The following DENND10 variants were observed in gnomAD, a reference collection of about 807,000 sequenced individuals.
DENND10 encodes DENN domain containing 10, also known as DENN domain-containing protein 10.
In DENND10, 24 loss-of-function variants were observed where a neutral mutation model predicts 43.6. That is an observed-to-expected ratio of 0.55 (90% CI 0.40 to 0.77). The LOEUF (loss-of-function observed/expected upper bound fraction) is 0.77. Ranked by LOEUF, DENND10 falls within the 30% of genes least tolerant of loss-of-function variation. DENND10 has a pLI of 0.00. For synonymous variants in DENND10, 125 were observed against 157.6 expected, an observed-to-expected ratio of 0.79 and a Z score of 1.55; for missense variants, 303 against 429.9, an observed-to-expected ratio of 0.70 and a Z score of 2.61.
In DENND10 at chr10:119,114,737, T is replaced by G. The variant is rs544746602; in HGVS notation, c.333-2782T>G. 2.6e-5 allele frequency: 4 copies of G among 152,144 alleles called. No homozygotes were observed. In the East Asian group the frequency reaches 7.7e-4, roughly 29 times the overall value. The allele number at this position is 152,144 out of a possible 1,614,324, so 9.4% of individuals were successfully genotyped here. A position where few individuals can be genotyped will look rare whatever the true frequency, so the allele number is the denominator to read the frequency against. On this transcript the variant is annotated intron_variant, in intron 3 of 8. Coordinates refer to ENST00000361432, the MANE Select transcript of DENND10 (RefSeq NM_207009.4). The stretch of plus-strand genomic sequence containing the variant: ...CATCTTATCCTACCAACCTTATGTT[T>G]CTCTTCTCTATTACTGTGTATTGTT...
intron 6 of DENND10, among the ~76,000 whole-genome samples, chr10:119,128,453 C>G (rs1432030863): frequency 1.3e-5 from 2 of 151,768 alleles, no homozygotes; most frequent in African/African-American, 2.4e-5. Context: ...ACTCAAAATA[C>G]AAAAATTAGC....
intron 1 of DENND10, chr10:119,105,643 A>T (rs1844658241): frequency 7.4e-6 from 3 of 406,878 alleles, no homozygotes; most frequent in Non-Finnish European, 1.0e-5. Flanking sequence ...ATGACATATG[A>T]TCATATTTTG....
Position 119,129,528 on chromosome 10 carries a change from A to G in DENND10, c.708A>G (p.Gly236=), listed in dbSNP as rs147011657. Residue 236 remains glycine (G), a synonymous_variant, in exon 7 of 9, where the codon GGA becomes GGG. Coordinates refer to ENST00000361432, the MANE Select transcript of DENND10 (RefSeq NM_207009.4). The part of the protein sequence containing the change: ...ALQMCTGYVA[G]FVDLEVSNRP... ...TTTGTGATGCAGGTTACGTCGCTGG[A>G]TTTGTAGACTTGGAGGTGAGCAACA... The G allele has an allele frequency of 2.5e-6, 4 of 1,612,890 alleles. No individual in the cohort carries two copies. The highest frequency in any genetic ancestry group is 3.4e-6 in the Non-Finnish European group (4 of 1,178,880).
intron 1 of DENND10, among the ~76,000 whole-genome samples, chr10:119,106,665 CAGTT>C (rs1270235563): frequency 1.3e-5 from 2 of 152,202 alleles, no homozygotes; most frequent in Non-Finnish European, 2.9e-5. Context: ...AAAATTCACA[CAGTT>C]GGTATGCAAC....
intron 3 of DENND10, among the ~76,000 whole-genome samples, chr10:119,113,297 C>T (rs1361260390): frequency 6.6e-6 from 1 of 151,374 alleles, no homozygotes; most frequent in Non-Finnish European, 1.5e-5. Context: ...TGAAGCAGTC[C>T]TCTCACCTCA....
intron 3 of DENND10, among the ~76,000 whole-genome samples, chr10:119,112,493 CTTTTTT>C (rs1353576739): frequency 1.4e-4 from 19 of 133,500 alleles, no homozygotes; most frequent in Admixed American, 1.2e-3. Context: ...TTTTCTTTTT[CTTTTTT>C]TTTTTTTTTT....
chr10:119,113,705 A>G (rs1462765222), intron 3 of DENND10, among the ~76,000 whole-genome samples: 1 of 146,126 alleles, frequency 6.8e-6, no homozygotes, highest in African/African-American at 2.5e-5. Flanking sequence ...AAAAAAAAAG[A>G]GAAAAACTCT....
chr10:119,108,548 C>T (rs1844816912), intron 2 of DENND10, among the ~76,000 whole-genome samples: 1 of 146,768 alleles, frequency 6.8e-6, no homozygotes, highest in African/African-American at 2.5e-5. Context: ...CTGTTTCACA[C>T]TTCACTCTCA....
At chr10:119,125,944 C>G (rs962648030) in intron 6 of DENND10, among the ~76,000 whole-genome samples, 11 of 151,998 alleles carry the variant, frequency 7.2e-5, no homozygotes, top group African/African-American at 2.7e-4. Context: ...CAAATTTTCC[C>G]CCTCTCCCCA....
chr10:119,111,374 G>C (rs1268687572), intron 2 of DENND10, among the ~76,000 whole-genome samples: 1 of 151,752 alleles, frequency 6.6e-6, no homozygotes, highest in Admixed American at 6.6e-5. Context: ...TACTTAAGAG[G>C]CTGAGGCTGG....
rs192379383 is a variant in DENND10 at position 119,113,566 on chromosome 10, C to T, written c.332+1638C>T. 4.0e-5 allele frequency among the ~76,000 whole-genome samples: 6 copies of T among 151,570 alleles called. No homozygotes were observed. In the East Asian group the frequency reaches 1.2e-3, roughly 29 times the overall value. On this transcript the variant is annotated intron_variant, in intron 3 of 8. Transcript: ENST00000361432. ...GGTGTCATGTTACCGTCAGGCTTTT[C>T]CCTAATACAGAGATTTTTGGGGGCA...
intron 4 of DENND10, among the ~76,000 whole-genome samples, chr10:119,118,065 TAATAG>T (rs145436375): frequency 1.3e-5 from 2 of 152,294 alleles, no homozygotes; most frequent in East Asian, 1.9e-4. Context: ...CTATTGTGCC[TAATAG>T]AATAATTACA....
At chr10:119,125,364 T>C (rs1188033340) in intron 6 of DENND10, among the ~76,000 whole-genome samples, 1 of 152,052 alleles carries the variant, frequency 6.6e-6, no homozygotes, top group Non-Finnish European at 1.5e-5. Context: ...TAGGTATATG[T>C]ATTTATGGGG....
intron 2 of DENND10, among the ~76,000 whole-genome samples, chr10:119,109,289 G>A (rs1024788617): frequency 1.3e-5 from 2 of 151,882 alleles, no homozygotes; most frequent in Admixed American, 1.3e-4. Context: ...TTCTTGGTGT[G>A]TTGTTTGATA....
intron 3 of DENND10, among the ~76,000 whole-genome samples, chr10:119,116,566 C>T (rs1381719820): frequency 6.6e-6 from 1 of 152,140 alleles, no homozygotes; most frequent in Non-Finnish European, 1.5e-5. Flanking sequence ...ACTTCATTCT[C>T]CTGCCTTAGT....
At chr10:119,124,208 A>T (rs868074577) in intron 6 of DENND10, among the ~76,000 whole-genome samples, 1 of 149,784 alleles carries the variant, frequency 6.7e-6, no homozygotes, top group African/African-American at 2.5e-5. Flanking sequence ...AAAAAAAAAA[A>T]TTGTGGTAAA....
At chr10:119,115,763 TC>T (rs953628321) in intron 3 of DENND10, among the ~76,000 whole-genome samples, 8 of 148,542 alleles carry the variant, frequency 5.4e-5, no homozygotes, top group African/African-American at 1.7e-4. Flanking sequence ...TTTCAAGTGA[TC>T]TTTTTTTTTT....
intron 1 of DENND10, chr10:119,105,637 C>T (rs1425919642): frequency 2.4e-6 from 1 of 409,348 alleles, no homozygotes; most frequent in Non-Finnish European, 3.4e-6. Context: ...AAAAAGATGA[C>T]ATATGATCAT....
At position 119,122,133 on chromosome 10, in the gene DENND10, C is replaced by T. The variant is rs144916765; in HGVS notation, c.594-1336C>T. Reference sequence around the variant, plus strand: ...ACCAGACTGGGCAACACAGCAAAACCCCATCTCTATAAAAAAATACAAAAA... The same window carrying T: ...ACCAGACTGGGCAACACAGCAAAACTCCATCTCTATAAAAAAATACAAAAA... On this transcript the variant is annotated intron_variant, in intron 5 of 8. Coordinates refer to ENST00000361432, the MANE Select transcript of DENND10 (RefSeq NM_207009.4). 2.2e-3 allele frequency among the ~76,000 whole-genome samples: 328 copies of T among 152,056 alleles called. 1 individual carries two copies. Among genetic ancestry groups the T allele is most frequent in the African/African-American group, 7.5e-3 (313 of 41,474 alleles).
Sources: allele counts gnomAD v4.1 joint callset (sites outside exome capture counted in the v4.1 genomes callset), GRCh38; gene constraint gnomAD v4.1.1; transcripts MANE v1.5; gene names NCBI Gene and HGNC (gene_info 2026-07-23, HGNC 2026-07-21).